Variants in CPT1A observed in about 807,000 individuals in gnomAD.
CPT1A encodes carnitine palmitoyltransferase 1A.
In CPT1A, 64 loss-of-function variants were observed where a neutral mutation model predicts 100.8. The observed-to-expected ratio is 0.63, with a 90% CI of 0.52 to 0.78. CPT1A has a LOEUF of 0.78. Among genes scored for constraint, CPT1A ranks in the 30% least tolerant of loss-of-function variants. The pLI is 0.00. For synonymous variants in CPT1A, 363 were observed against 396.0 expected, an observed-to-expected ratio of 0.92 and a Z score of 0.99; for missense variants, 802 against 1,034.1, an observed-to-expected ratio of 0.78 and a Z score of 3.08.
chr11:68,790,970 T>C (rs1184546587), intron 9 of CPT1A, among the ~76,000 whole-genome samples: 1 of 152,002 alleles, frequency 6.6e-6, no homozygotes, highest in Non-Finnish European at 1.5e-5. Flanking sequence ...ATTACAGGTA[T>C]GCACCACCAC....
chr11:68,778,793 CT>C (rs533135878), intron 12 of CPT1A, among the ~76,000 whole-genome samples: 4 of 148,770 alleles, frequency 2.7e-5, no homozygotes, highest in African/African-American at 2.5e-5. Flanking sequence ...TAATTTCTTT[CT>C]TTTTTTTTTG....
Position 68,830,931 on chromosome 11 carries a change from T to C in CPT1A, c.-14+10844A>G, listed in dbSNP as rs117623511. ...CACTTCTCAAGGACATGAATCCTTG[T>C]GTCATCCGAATTGAATCCTGAAGAC... On this transcript the variant is annotated intron_variant, in intron 1 of 18. Transcript: ENST00000265641. 5.2e-4 allele frequency among the ~76,000 whole-genome samples: 79 copies of C among 152,312 alleles called. No individual in the cohort carries two copies. The East Asian group carries it at 0.014, about 28-fold the overall frequency.
intron 1 of CPT1A, among the ~76,000 whole-genome samples, chr11:68,840,870 G>C (rs989623571): frequency 1.3e-5 from 2 of 152,118 alleles, no homozygotes; most frequent in Non-Finnish European, 2.9e-5. Flanking sequence ...GCACGGCCAC[G>C]TGACACCCCC....
At chr11:68,815,041 G>A (rs1241762083) in intron 2 of CPT1A, among the ~76,000 whole-genome samples, 1 of 152,176 alleles carries the variant, frequency 6.6e-6, no homozygotes, top group African/African-American at 2.4e-5. Flanking sequence ...AGCAGAAGAT[G>A]TGAATTCTAG....
chr11:68,822,786 A>G (rs1856620781), intron 1 of CPT1A, among the ~76,000 whole-genome samples: 1 of 152,222 alleles, frequency 6.6e-6, no homozygotes, highest in Non-Finnish European at 1.5e-5. Flanking sequence ...CTGCTGCAAC[A>G]TGGATGGACC....
chr11:68,811,717 C>A (rs1856214652), intron 3 of CPT1A, among the ~76,000 whole-genome samples: 1 of 152,138 alleles, frequency 6.6e-6, no homozygotes, highest in South Asian at 2.1e-4. Flanking sequence ...GAGGTCACTG[C>A]AGTGCAGGCT....
chr11:68,757,438 G>T lies in CPT1A; in HGVS notation c.*206C>A. The T allele has an allele frequency of 6.9e-7, 1 of 1,438,850 alleles. No homozygotes were observed. The highest frequency in any genetic ancestry group is 9.1e-7 in the Non-Finnish European group (1 of 1,101,778). 89.1% of individuals were successfully genotyped at this position (1,438,850 alleles called of 1,614,324 possible). The stretch of plus-strand genomic sequence containing the variant: ...GAGACTTTATCAGATGTCCCCCAAG[G>T]GAGGGCAAGTCTGGAAGTAGTGGGG... On this transcript the variant is annotated 3_prime_UTR_variant, in exon 19 of 19. Transcript: ENST00000265641.
chr11:68,796,828 A>G, intron 7 of CPT1A, 28 bp downstream of exon 7: 2 of 1,611,404 alleles, frequency 1.2e-6, no homozygotes, highest in Non-Finnish European at 1.7e-6. Flanking sequence ...CGTCCTCGTC[A>G]GACAGCAGCC....
At chr11:68,838,611 T>TCACCGA (rs1302381596) in intron 1 of CPT1A, among the ~76,000 whole-genome samples, 1 of 109,982 alleles carries the variant, frequency 9.1e-6, no homozygotes, top group Non-Finnish European at 1.7e-5. Flanking sequence ...GGTCTGGCTG[T>TCACCGA]CACCGAGGCT....
In CPT1A at chr11:68,755,710, CTTTTTTT is replaced by C. The variant is rs750569368; in HGVS notation, c.*1927_*1933del. ...ACGCATGAGCCACCGCGCCTGGACG[CTTTTTTT>C]TTTTTTTTTGTCTTTTGTTTTCATT... is the stretch of plus-strand genomic sequence containing the variant. On this transcript the variant is annotated 3_prime_UTR_variant, in exon 19 of 19. Coordinates refer to ENST00000265641, the MANE Select transcript of CPT1A (RefSeq NM_001876.4). 1 of 111,164 alleles carries C rather than the reference CTTTTTTT, an allele frequency of 9.0e-6. No homozygotes were observed. 6.9% of individuals were successfully genotyped at this position (111,164 alleles called of 1,614,324 possible). A position where few individuals can be genotyped will look rare whatever the true frequency, so the allele number is the denominator to read the frequency against.
In CPT1A at chr11:68,820,015, CGTTTGTTT is replaced by C. The variant is rs36030703; in HGVS notation, c.-13-4536_-13-4529del. ...AGTCCCCTCTCAGCTACAGTTTGCA[CGTTTGTTT>C]GTTTGTTTGTTTGTTTGTTTGTTTG... On this transcript the variant is annotated intron_variant, in intron 1 of 18. Coordinates refer to ENST00000265641, the MANE Select transcript of CPT1A (RefSeq NM_001876.4). Among the ~76,000 whole-genome samples, 156 of 150,258 alleles carry C rather than the reference CGTTTGTTT, an allele frequency of 1.0e-3. 2 individuals carry two copies. Among genetic ancestry groups the C allele is most frequent in the East Asian group, 4.6e-3 (23 of 4,964 alleles).
chr11:68,819,435 AAG>A (rs1856521001), intron 1 of CPT1A, among the ~76,000 whole-genome samples: 1 of 152,196 alleles, frequency 6.6e-6, no homozygotes, highest in Non-Finnish European at 1.5e-5. Context: ...AACCATGAGG[AAG>A]GCATCCCAGA....
intron 2 of CPT1A, 139 bp from the exon 3 acceptor site, chr11:68,812,715 AC>A: frequency 2.2e-6 from 2 of 895,894 alleles, no homozygotes; most frequent in South Asian, 1.4e-5. Context: ...GCACTGAGAA[AC>A]CACACCCCAC....
chr11:68,824,794 C>CTTTTTTTTTTTTTTTTTTTTTTTTTT, intron 1 of CPT1A, among the ~76,000 whole-genome samples: 1 of 120,354 alleles, frequency 8.3e-6, no homozygotes, highest in Non-Finnish European at 1.6e-5. Context: ...GCAATTGTAT[C>CTTTTTTTTTTTTTTTTTTTTTTTTTT]TTTTTTTTTT....
chr11:68,760,078 T>G, intron 17 of CPT1A, 147 bp downstream of exon 17: 1 of 674,282 alleles, frequency 1.5e-6, no homozygotes, highest in Non-Finnish European at 2.7e-6. Context: ...GCCAAGGACA[T>G]CCATAGCAAT....
intron 1 of CPT1A, among the ~76,000 whole-genome samples, chr11:68,831,319 G>A (rs1305524867): frequency 6.6e-6 from 1 of 152,164 alleles, no homozygotes; most frequent in Non-Finnish European, 1.5e-5. Flanking sequence ...GGTGGCTGAG[G>A]AAAGCAGGTG....
rs888305217 is a variant in CPT1A at position 68,757,202 on chromosome 11, C to T, written c.*442G>A. On this transcript the variant is annotated 3_prime_UTR_variant, in exon 19 of 19. Transcript: ENST00000265641. Reference sequence around the variant, plus strand: ...TGTTAGCTACAACTGGGGACACCAACTTGAATAACACATTTTTCTTTTAAC... The same window carrying T: ...TGTTAGCTACAACTGGGGACACCAATTTGAATAACACATTTTTCTTTTAAC... 2.6e-5 allele frequency: 19 copies of T among 728,888 alleles called. No homozygotes were observed. The highest frequency in any genetic ancestry group is 3.0e-5 in the Non-Finnish European group (17 of 574,164). 45.2% of individuals were successfully genotyped at this position (728,888 alleles called of 1,614,324 possible).
chr11:68,784,843 T>A lies in CPT1A; in HGVS notation c.1135A>T (p.Arg379Trp). 2 of 1,612,328 alleles carry A rather than the reference T, an allele frequency of 1.2e-6. No homozygotes were observed. Among genetic ancestry groups the A allele is most frequent in the Non-Finnish European group, 1.7e-6 (2 of 1,180,022 alleles). ...NTSEPQPGEA[R>W]LAALTAGDRV... is the part of the protein sequence containing the mutation. The stretch of plus-strand genomic sequence containing the variant: ...TCTCCTGCGGTGAGGGCTGCCAGCC[T>A]GGCCTCCCCGGGCTGAGGCTCCGAG... Residue 379 changes from arginine (R) to tryptophan (W), a missense_variant, in exon 10 of 19, where the codon AGG becomes TGG. Arg to Trp is a moderately radical substitution (Grantham distance 101). Transcript: ENST00000265641.
At chr11:68,802,896 C>CAAAAA (rs901808584) in intron 5 of CPT1A, among the ~76,000 whole-genome samples, 84 of 44,546 alleles carry the variant, frequency 1.9e-3, no homozygotes, top group Non-Finnish European at 2.6e-3. Context: ...GACCCTGTCT[C>CAAAAA]AAAAAAAAAA....
Sources: gnomAD v4.1 joint callset for allele counts (sites outside exome capture counted in the v4.1 genomes callset) on GRCh38, gnomAD v4.1.1 for gene constraint, MANE v1.5 for transcripts, NCBI Gene and HGNC (gene_info 2026-07-23, HGNC 2026-07-21) for gene names.